Variants in CRACR2A observed in about 807,000 individuals in gnomAD.
The protein encoded by CRACR2A is calcium release activated channel regulator 2A.
A neutral mutation model predicts 90.5 loss-of-function variants in CRACR2A; 79 were observed. That is an observed-to-expected ratio of 0.87 (90% confidence interval 0.73 to 1.05). CRACR2A has a LOEUF of 1.05. CRACR2A is among the 50% of genes least tolerant of loss of function. CRACR2A has a pLI of 0.00. For missense variants in CRACR2A, 823 were observed against 897.2 expected, an observed-to-expected ratio of 0.92 and a Z score of 1.06; for synonymous variants, 338 against 356.7, an observed-to-expected ratio of 0.95 and a Z score of 0.59.
chr12:3,738,610 A>G (rs1201345722), intron 1 of CRACR2A, among the ~76,000 whole-genome samples: 1 of 152,342 alleles, frequency 6.6e-6, no homozygotes, highest in East Asian at 1.9e-4. Flanking sequence ...AGACAAAGAC[A>G]CTGAAAATAT....
In CRACR2A at chr12:3,746,575, C is replaced by T. The variant is rs182203460; in HGVS notation, c.-387+6440G>A. Among the ~76,000 whole-genome samples the T allele has an allele frequency of 8.5e-5, 13 of 152,334 alleles. No individual in the cohort carries two copies. In the East Asian group the frequency reaches 2.3e-3, roughly 27 times the overall value. On this transcript the variant is annotated intron_variant, in intron 1 of 19. Transcript: ENST00000440314. The surrounding 1 kb of genome is among the most constrained non-coding windows in gnomAD (Gnocchi z 4.4). ...TCCAGAACTGTGAGAAAATAAATTT[C>T]GGTTGTCTGTGATATTTTGTTCTGT... is the stretch of plus-strand genomic sequence containing the variant.
chr12:3,627,939 A>G (rs1944296799), intron 15 of CRACR2A, among the ~76,000 whole-genome samples: 1 of 152,120 alleles, frequency 6.6e-6, no homozygotes, highest in African/African-American at 2.4e-5. Context: ...CATTGATCAA[A>G]TCACTTAACC....
chr12:3,665,433 T>C (rs1381892120), intron 7 of CRACR2A, among the ~76,000 whole-genome samples: 2 of 152,238 alleles, frequency 1.3e-5, no homozygotes, highest in Non-Finnish European at 2.9e-5. Flanking sequence ...TCACATTACC[T>C]CAGTAAGCCT....
intron 17 of CRACR2A, among the ~76,000 whole-genome samples, chr12:3,624,780 C>T (rs1944223959): frequency 6.6e-6 from 1 of 152,220 alleles, no homozygotes; most frequent in African/African-American, 2.4e-5. Context: ...TTGCTAGAAA[C>T]ACAGAATCTC....
chr12:3,743,369 A>G (rs1464270435), intron 1 of CRACR2A, among the ~76,000 whole-genome samples: 5 of 152,164 alleles, frequency 3.3e-5, no homozygotes, highest in Non-Finnish European at 7.3e-5. Context: ...TTCCATCCCT[A>G]TATCTCTGGA....
At chr12:3,648,491 C>T (rs764589720) in intron 11 of CRACR2A, 51 bp downstream of exon 11, 1 of 1,613,718 alleles carries the variant, frequency 6.2e-7, no homozygotes, top group Non-Finnish European at 8.5e-7. Flanking sequence ...TCCTTCCGAC[C>T]CCAGGCTTCT....
intron 4 of CRACR2A, among the ~76,000 whole-genome samples, chr12:3,687,502 T>C (rs927574519): frequency 5.3e-5 from 8 of 152,190 alleles, no homozygotes; most frequent in African/African-American, 1.9e-4. Context: ...TCCAGCTCCA[T>C]CCAAGTTGCT....
intron 2 of CRACR2A, among the ~76,000 whole-genome samples, chr12:3,722,049 C>A (rs984862185): frequency 2.0e-5 from 3 of 152,126 alleles, no homozygotes; most frequent in Non-Finnish European, 2.9e-5. Context: ...GATGCATCAC[C>A]CATCACACTG....
Position 3,633,859 on chromosome 12 carries a change from C to T in CRACR2A, c.1603-123G>A. ...CAGGAGGTGCAGACCGGCCTCTAGA[C>T]CTGCACCAGGAGGCTGCCACAGCCT... On this transcript the variant is annotated intron_variant, in intron 14 of 19. Transcript: ENST00000440314. This position sits in a 1 kb window ranked among gnomAD's most constrained non-coding sequence, Gnocchi z 4.5. The T allele has an allele frequency of 7.5e-6, 10 of 1,333,274 alleles. No individual in the cohort carries two copies. The South Asian group carries it at 1.4e-4, about 19-fold the overall frequency. The allele number at this position is 1,333,274 out of a possible 1,614,324, so 82.6% of individuals were successfully genotyped here.
chr12:3,706,030 C>T (rs1192828598), intron 3 of CRACR2A, among the ~76,000 whole-genome samples: 1 of 152,124 alleles, frequency 6.6e-6, no homozygotes, highest in Non-Finnish European at 1.5e-5. Flanking sequence ...GCATCCCTAG[C>T]ACTGTTTGCA....
chr12:3,664,739 G>A (rs1286926157), intron 7 of CRACR2A, among the ~76,000 whole-genome samples: 1 of 152,196 alleles, frequency 6.6e-6, no homozygotes, highest in East Asian at 1.9e-4. Flanking sequence ...GGGCACAGTG[G>A]CTCACGCTTG....
At chr12:3,648,303 G>A (rs1267888576) in intron 11 of CRACR2A, 1 of 1,436,076 alleles carries the variant, frequency 7.0e-7, no homozygotes. Context: ...AGAGGAGTGG[G>A]GCAGAGCCTC....
At chr12:3,680,440 C>T in intron 4 of CRACR2A, 91 bp from the exon 5 acceptor site, 1 of 1,127,364 alleles carries the variant, frequency 8.9e-7, no homozygotes, top group Non-Finnish European at 1.3e-6. Context: ...CAGAAAGTGT[C>T]TAGAGTTCGG....
intron 12 of CRACR2A, among the ~76,000 whole-genome samples, chr12:3,643,349 G>A (rs1328770398): frequency 6.6e-6 from 1 of 152,110 alleles, no homozygotes; most frequent in Admixed American, 6.5e-5. Context: ...TCAGCTAAGG[G>A]TGCAATCCAC....
chr12:3,702,263 T>C (rs1159771478), intron 3 of CRACR2A, among the ~76,000 whole-genome samples: 1 of 152,230 alleles, frequency 6.6e-6, no homozygotes, highest in African/African-American at 2.4e-5. Context: ...TATCTGTTCT[T>C]ACCACTTCTA....
chr12:3,641,687 T>G, intron 13 of CRACR2A, 45 bp downstream of exon 13: 52 of 1,526,752 alleles, frequency 3.4e-5, no homozygotes, highest in Non-Finnish European at 4.4e-5. Flanking sequence ...CAGCTCCCAA[T>G]GAGCCTGAGA....
At chr12:3,697,696 T>G (rs1051147375) in intron 3 of CRACR2A, among the ~76,000 whole-genome samples, 2 of 152,240 alleles carry the variant, frequency 1.3e-5, no homozygotes, top group Non-Finnish European at 2.9e-5. Context: ...GGTGAGCTCT[T>G]GCCCAATGTC....
At chr12:3,712,363 A>C in intron 3 of CRACR2A, among the ~76,000 whole-genome samples, 1 of 152,318 alleles carries the variant, frequency 6.6e-6, no homozygotes, top group South Asian at 2.1e-4. Flanking sequence ...TCTGCAAGCT[A>C]TGCAAGCATG....
At chr12:3,682,794 CTT>C (rs58520135) in intron 4 of CRACR2A, among the ~76,000 whole-genome samples, 26 of 145,910 alleles carry the variant, frequency 1.8e-4, no homozygotes, top group Admixed American at 2.7e-4. Flanking sequence ...TTTATTATTA[CTT>C]TTTTTTTTTT....
Sources: gnomAD v4.1 joint callset for allele counts (sites outside exome capture counted in the v4.1 genomes callset) on GRCh38, gnomAD v4.1.1 for gene constraint, Gnocchi (gnomAD v3.1) non-coding constraint, MANE v1.5 for transcripts, NCBI Gene and HGNC (gene_info 2026-07-23, HGNC 2026-07-21) for gene names.